DDX60L: variants seen among roughly 807,000 people sequenced by gnomAD.
The protein encoded by DDX60L is probable ATP-dependent RNA helicase DDX60-like.
In DDX60L, 191 loss-of-function variants were observed where a neutral mutation model predicts 211.6. The ratio of observed to expected loss-of-function variants is 0.90; its 90% CI spans 0.80 to 1.02. The LOEUF is 1.02. DDX60L is among the 50% of genes least tolerant of loss of function. DDX60L has a pLI of 0.00. For synonymous variants in DDX60L, 706 were observed against 694.1 expected, an observed-to-expected ratio of 1.02 and a Z score of -0.27; for missense variants, 2,007 against 1,984.1, an observed-to-expected ratio of 1.01 and a Z score of -0.22.
Position 168,358,222 on chromosome 4 carries a change from A to G in DDX60L, c.5046T>C (p.Phe1682=). The G allele has an allele frequency of 6.2e-7, 1 of 1,605,924 alleles. No individual in the cohort carries two copies. Among genetic ancestry groups the G allele is most frequent in the Non-Finnish European group, 8.5e-7 (1 of 1,175,098 alleles). Reference sequence around the variant, plus strand: ...CATAAAAGGTTTGACTCAATTGTTTAAATGCCAGGACTACATTGTCACGCT... The same window carrying G: ...CATAAAAGGTTTGACTCAATTGTTTGAATGCCAGGACTACATTGTCACGCT... The part of the protein sequence containing the change: ...ENKRDNVVLA[F]KQLSQTFYEK... Residue 1682 remains phenylalanine (F), a synonymous_variant, in exon 38 of 38, where the codon TTT becomes TTC. Transcript: ENST00000682922.
At chr4:168,386,559 CT>C (rs749959661) in intron 29 of DDX60L, among the ~76,000 whole-genome samples, 20 of 143,452 alleles carry the variant, frequency 1.4e-4, no homozygotes, top group Non-Finnish European at 2.9e-4. Flanking sequence ...TAAAGAAGGA[CT>C]TCTAATATGA....
rs1187719231 is a variant in DDX60L at position 168,423,655 on chromosome 4, T to G, written c.2050A>C (p.Lys684Gln). ...EHHQYIAKCLKYLGFNDLANS... is the reference protein window; with the variant it reads ...EHHQYIAKCLQYLGFNDLANS... ...GCCAGATCATTAAAGCCTAAATATT[T>G]AAGGCATTTAGCTATATATTGATGA... is the stretch of plus-strand genomic sequence containing the variant. The change falls in exon 15 of 38, where the codon AAA becomes CAA. Residue 684 changes from lysine to glutamine, a missense_variant. Coordinates refer to ENST00000682922, the MANE Select transcript of DDX60L (RefSeq NM_001012967.3). The G allele has an allele frequency of 1.3e-6, 2 of 1,599,158 alleles. No homozygotes were observed. The highest frequency in any genetic ancestry group is 1.7e-6 in the Non-Finnish European group (2 of 1,172,830).
In DDX60L at chr4:168,433,063, A is replaced by T. The variant is rs768978219; in HGVS notation, c.1347T>A (p.Ala449=). ...TATCTCCAACAAACTCATCAATTAC[A>T]GCAGATGTCATTGGAATAAAGCCCA... ...PSVGFIPMTS[A]VIDEFVGDMM... Residue 449 remains alanine (A), a synonymous_variant, in exon 11 of 38, where the codon GCT becomes GCA. Coordinates refer to ENST00000682922, the MANE Select transcript of DDX60L (RefSeq NM_001012967.3). 2.5e-6 allele frequency: 4 copies of T among 1,610,212 alleles called. No individual in the cohort carries two copies. The East Asian group carries it at 8.9e-5, about 36-fold the overall frequency.
Position 168,394,812 on chromosome 4 carries a change from A to G in DDX60L, c.3658-195T>C, listed in dbSNP as rs572575967. Among the ~76,000 whole-genome samples, 6 of 152,336 alleles carry G rather than the reference A, an allele frequency of 3.9e-5. No homozygotes were observed. The East Asian group carries it at 1.2e-3, about 29-fold the overall frequency. Reference sequence around the variant, plus strand: ...ATTTTTGTGAACAGACTCTCTCAGAAAAGAGGCATTCATAAACCAAAGGGG... The same window carrying G: ...ATTTTTGTGAACAGACTCTCTCAGAGAAGAGGCATTCATAAACCAAAGGGG... On this transcript the variant is annotated intron_variant, in intron 27 of 37. Coordinates refer to ENST00000682922, the MANE Select transcript of DDX60L (RefSeq NM_001012967.3).
chr4:168,456,756 A>C (rs1200467023), intron 6 of DDX60L, among the ~76,000 whole-genome samples: 2 of 152,224 alleles, frequency 1.3e-5, no homozygotes, highest in African/African-American at 4.8e-5. Context: ...AAACATATAC[A>C]TCAAAATGTT....
rs1181852637 is a variant in DDX60L, at chr4:168,423,772, T to C, written c.1933A>G (p.Lys645Glu). The C allele has an allele frequency of 1.3e-6, 2 of 1,566,094 alleles. No homozygotes were observed. Among genetic ancestry groups the C allele is most frequent in the African/African-American group, 1.4e-5 (1 of 72,110 alleles). ...GCTATACTTAAATCTTTCGAAATTT[T>C]GCCTTGTTAAAGAAACAATAAAATT... is the stretch of plus-strand genomic sequence containing the variant. ...AWKKHCRGEG[K>E]ISKDLSIAVQ... The change falls in exon 15 of 38, where the codon AAA (lysine) becomes GAA (glutamate). Residue 645 changes from lysine (K) to glutamate (E), a missense_variant and splice_region_variant. Coordinates refer to ENST00000682922, the MANE Select transcript of DDX60L (RefSeq NM_001012967.3).
chr4:168,379,776 C>G lies in DDX60L; in HGVS notation c.4171G>C (p.Glu1391Gln). 1 of 1,613,238 alleles carries G rather than the reference C, an allele frequency of 6.2e-7. No individual in the cohort carries two copies. Among genetic ancestry groups the G allele is most frequent in the Non-Finnish European group, 8.5e-7 (1 of 1,179,526 alleles). ...LLSFKRRRAM[E>Q]TLKLYFLFSL... The stretch of plus-strand genomic sequence containing the variant: ...AACAAAAAGTAAAGTTTCAAAGTCT[C>G]CATGGCTCTTCGTCTCTTAAAAGAC... Residue 1391 changes from glutamate to glutamine, a missense_variant, in exon 31 of 38, where the codon GAG becomes CAG. Physicochemically the swap from Glu to Gln is conservative, Grantham distance 29. Transcript: ENST00000682922.
chr4:168,399,818 C>G (rs572010735), intron 26 of DDX60L, among the ~76,000 whole-genome samples: 1 of 152,100 alleles, frequency 6.6e-6, no homozygotes, highest in Non-Finnish European at 1.5e-5. Context: ...CCCAAGCATA[C>G]GATTGGTATG....
intron 36 of DDX60L, among the ~76,000 whole-genome samples, chr4:168,368,849 C>T (rs943132685): frequency 2.6e-5 from 4 of 152,136 alleles, no homozygotes; most frequent in Non-Finnish European, 5.9e-5. Flanking sequence ...TTGCATGGGG[C>T]CTGTAGCCCC....
chr4:168,391,647 A>AG lies in DDX60L; in HGVS notation c.3811-4dup, dbSNP rs150634123. On this transcript the variant is annotated splice_region_variant and splice_polypyrimidine_tract_variant and intron_variant, in intron 28 of 37. Coordinates refer to ENST00000682922, the MANE Select transcript of DDX60L (RefSeq NM_001012967.3). ...AGTGTTTCAGTAGCTGTCACTACCT[A>AG]GGAAAAAAAAAAAAAAACAGTCAAT... The AG allele has an allele frequency of 0.19, 183,263 of 987,718 alleles. 1,421 individuals carry two copies. Among genetic ancestry groups the AG allele is most frequent in the South Asian group, 0.21 (10,575 of 50,042 alleles). 61.2% of individuals were successfully genotyped at this position (987,718 alleles called of 1,614,324 possible). A position where few individuals can be genotyped will look rare whatever the true frequency, so the allele number is the denominator to read the frequency against.
rs1752583217 is a variant in DDX60L at position 168,433,080 on chromosome 4, T to C, written c.1330A>G (p.Ile444Val). ...SLEKMPSVGF[I>V]PMTSAVIDEF... is the part of the protein sequence containing the mutation. Reference sequence around the variant, plus strand: ...TCAATTACAGCAGATGTCATTGGAATAAAGCCCACACTAGGCATCTTTTCC... The same window carrying C: ...TCAATTACAGCAGATGTCATTGGAACAAAGCCCACACTAGGCATCTTTTCC... The change falls in exon 11 of 38, where the codon ATT becomes GTT. Residue 444 changes from isoleucine to valine, a missense_variant. Ile to Val is a conservative substitution (Grantham distance 29). Transcript: ENST00000682922. 1 of 1,608,906 alleles carries C rather than the reference T, an allele frequency of 6.2e-7. No homozygotes were observed. The highest frequency in any genetic ancestry group is 1.7e-5 in the Admixed American group (1 of 59,564).
chr4:168,471,338 T>C (rs1010872416), intron 4 of DDX60L: 8 of 153,686 alleles, frequency 5.2e-5, no homozygotes, highest in African/African-American at 1.7e-4. Flanking sequence ...GGGATATAGA[T>C]ATTTGCTCTA....
chr4:168,371,499 A>G (rs1230071125), intron 36 of DDX60L, 113 bp downstream of exon 36: 1 of 373,490 alleles, frequency 2.7e-6, no homozygotes, highest in African/African-American at 2.2e-5. Flanking sequence ...TTATGTTTAT[A>G]TAACTATATA....
At chr4:168,404,652 A>G (rs1056041991) in intron 24 of DDX60L, among the ~76,000 whole-genome samples, 40 of 152,292 alleles carry the variant, frequency 2.6e-4, no homozygotes, top group African/African-American at 8.9e-4. Flanking sequence ...TAAGTTGTTC[A>G]CCTCAGATAT....
chr4:168,437,051 T>G (rs1476018994), intron 10 of DDX60L, among the ~76,000 whole-genome samples: 1 of 152,196 alleles, frequency 6.6e-6, no homozygotes, highest in Non-Finnish European at 1.5e-5. Flanking sequence ...CCATGCCATG[T>G]GATTAACGTC....
Position 168,448,658 on chromosome 4 carries a change from T to C in DDX60L, c.1118A>G (p.Tyr373Cys). Residue 373 changes from tyrosine to cysteine, a missense_variant, in exon 9 of 38, where the codon TAT (tyrosine) becomes TGT (cysteine). Coordinates refer to ENST00000682922, the MANE Select transcript of DDX60L (RefSeq NM_001012967.3). ...ACTACCTTGAGTACTTTCAAATTCA[T>C]AGTAGAAGGCTATATTCTTTAACAA... is the stretch of plus-strand genomic sequence containing the variant. ...EQLLKNIAFY[Y>C]EFESTQEPHL... The C allele has an allele frequency of 1.3e-6, 2 of 1,566,114 alleles. No homozygotes were observed. The highest frequency in any genetic ancestry group is 2.3e-5 in the East Asian group (1 of 43,984).
At chr4:168,408,415 A>G (rs949450278) in intron 22 of DDX60L, among the ~76,000 whole-genome samples, 1 of 152,158 alleles carries the variant, frequency 6.6e-6, no homozygotes, top group African/African-American at 2.4e-5. Flanking sequence ...CACTTTGTCA[A>G]CTGTATCACT....
chr4:168,403,716 A>G (rs1419546822), intron 25 of DDX60L, among the ~76,000 whole-genome samples: 1 of 152,174 alleles, frequency 6.6e-6, no homozygotes, highest in Non-Finnish European at 1.5e-5. Context: ...GCTTACAAAA[A>G]GAAATTTAGG....
intron 8 of DDX60L, among the ~76,000 whole-genome samples, chr4:168,449,654 A>AAAAAAAAAAAAAAAAAAAAAAAAAATAC (rs1561098700): frequency 1.7e-5 from 1 of 59,674 alleles, no homozygotes; most frequent in African/African-American, 8.0e-5. Flanking sequence ...AAAAAATGCA[A>AAAAAAAAAAAAAAAAAAAAAAAAAATAC]AAAAAAAAAA....
Sources: gnomAD v4.1 joint callset for allele counts (sites outside exome capture counted in the v4.1 genomes callset) on GRCh38, gnomAD v4.1.1 for gene constraint, MANE v1.5 for transcripts, NCBI Gene and HGNC (gene_info 2026-07-23, HGNC 2026-07-21) for gene names.